The following LAP3 variants were observed in gnomAD, a reference collection of about 807,000 sequenced individuals.
The protein encoded by LAP3 is cytosol aminopeptidase.
A neutral mutation model predicts 58.8 loss-of-function variants in LAP3; 46 were observed. The observed-to-expected ratio is 0.78, with a 90% CI of 0.62 to 1.00. The LOEUF is 1.00. LAP3 is among the 50% of genes least tolerant of loss of function. LAP3 has a pLI of 0.00. For synonymous variants in LAP3, 257 were observed against 237.7 expected, an observed-to-expected ratio of 1.08 and a Z score of -0.75; for missense variants, 615 against 659.1, an observed-to-expected ratio of 0.93 and a Z score of 0.73.
chr4:17,586,931 C>T (rs529348534), intron 6 of LAP3, among the ~76,000 whole-genome samples: 4 of 152,194 alleles, frequency 2.6e-5, no homozygotes, highest in Admixed American at 1.3e-4. Context: ...CATGGCGAAA[C>T]ACCATCTCTA....
In LAP3 at chr4:17,577,213, C is replaced by A. The variant is rs1356076049; in HGVS notation, c.-253C>A. 5 of 344,300 alleles carry A rather than the reference C, an allele frequency of 1.5e-5. No homozygotes were observed. Among genetic ancestry groups the A allele is most frequent in the African/African-American group, 8.8e-5 (4 of 45,250 alleles). The allele number at this position is 344,300 out of a possible 1,614,324, so 21.3% of individuals were successfully genotyped here. On this transcript the variant is annotated 5_prime_UTR_variant, in exon 1 of 13. Coordinates refer to ENST00000226299, the MANE Select transcript of LAP3 (RefSeq NM_015907.3). ...ATGCGCGGGCGCACACGAATGCGGGCGCACACGAATGCGGGCGCACACGAA... is the reference window on the plus strand; with the variant it reads ...ATGCGCGGGCGCACACGAATGCGGGAGCACACGAATGCGGGCGCACACGAA...
chr4:17,597,233 C>G (rs1713853703), intron 9 of LAP3, 99 bp downstream of exon 9: 3 of 961,400 alleles, frequency 3.1e-6, no homozygotes, highest in Admixed American at 3.5e-5. Flanking sequence ...AGCCCCAGAA[C>G]CATATTAGGG....
In LAP3 at chr4:17,584,956, ATCTT is replaced by A. The variant is rs755933063; in HGVS notation, c.540-11_540-8del. Reference sequence around the variant, plus strand: ...TGAGAGGTTGTTTGACAGTCACTTTATCTTTCTTCTGCCAGTGGGGATCAGGAGG... The same window carrying A: ...TGAGAGGTTGTTTGACAGTCACTTTATCTTCTGCCAGTGGGGATCAGGAGG... On this transcript the variant is annotated splice_polypyrimidine_tract_variant and intron_variant, in intron 5 of 12. Coordinates refer to ENST00000226299, the MANE Select transcript of LAP3 (RefSeq NM_015907.3). 1.4e-5 allele frequency: 22 copies of A among 1,611,774 alleles called. No individual in the cohort carries two copies. Among genetic ancestry groups the A allele is most frequent in the Non-Finnish European group, 1.8e-5 (21 of 1,178,838 alleles).
intron 1 of LAP3, 23 bp from the exon 2 acceptor site, chr4:17,579,801 T>G: frequency 7.4e-7 from 1 of 1,347,930 alleles, no homozygotes; most frequent in African/African-American, 1.5e-5. Context: ...TCTATTATAT[T>G]TACGTTTTTT....
At position 17,597,031 on chromosome 4, in the gene LAP3, T is replaced by C. The variant is rs750385934; in HGVS notation, c.989-15T>C. On this transcript the variant is annotated splice_polypyrimidine_tract_variant and intron_variant, in intron 8 of 12. Transcript: ENST00000226299. ...CCAGTATATACTGTGTGCCTTCATA[T>C]ATTATTTCCAATAGGTCTGGCCCCT... is the stretch of plus-strand genomic sequence containing the variant. 9.3e-6 allele frequency: 15 copies of C among 1,613,618 alleles called. No homozygotes were observed. In the South Asian group the frequency reaches 1.6e-4, roughly 18 times the overall value.
chr4:17,585,870 T>C (rs898567763), intron 6 of LAP3: 7 of 152,254 alleles, frequency 4.6e-5, no homozygotes, highest in African/African-American at 1.4e-4. Flanking sequence ...ACTTTGGTTG[T>C]TTTTACCTTT....
rs146585721 is a variant in LAP3 at position 17,584,451 on chromosome 4, C to T, written c.540-521C>T. 3.5e-3 allele frequency among the ~76,000 whole-genome samples: 532 copies of T among 152,326 alleles called. 2 individuals are homozygous for T. Among genetic ancestry groups the T allele is most frequent in the African/African-American group, 0.012 (497 of 41,588 alleles). On this transcript the variant is annotated intron_variant, in intron 5 of 12. Coordinates refer to ENST00000226299, the MANE Select transcript of LAP3 (RefSeq NM_015907.3). Reference sequence around the variant, plus strand: ...GGGTTGTGAAACACGTGCCTGTATCCTTTCTCTTCTAAAGCTGGTCCTGCT... The same window carrying T: ...GGGTTGTGAAACACGTGCCTGTATCTTTTCTCTTCTAAAGCTGGTCCTGCT...
At chr4:17,581,682 G>A in intron 2 of LAP3, 78 bp from the exon 3 acceptor site, 1 of 1,039,816 alleles carries the variant, frequency 9.6e-7, no homozygotes, top group Non-Finnish European at 1.5e-6. Context: ...GTGTGATAAT[G>A]CCGAGTATGT....
intron 12 of LAP3, 89 bp downstream of exon 12, chr4:17,607,027 T>C: frequency 1.3e-6 from 1 of 760,216 alleles, no homozygotes; most frequent in South Asian, 1.9e-5. Flanking sequence ...ATATAAAAGG[T>C]TTAACTATTT....
intron 2 of LAP3, among the ~76,000 whole-genome samples, chr4:17,580,180 A>ATATATATG (rs1305416546): frequency 2.2e-4 from 14 of 62,542 alleles, no homozygotes; most frequent in Non-Finnish European, 3.1e-4. Context: ...ATATATATAT[A>ATATATATG]TGTATTTTTT....
rs915713603 is a variant in LAP3, at chr4:17,579,901, T to C, written c.180T>C (p.Asp60=). ...PQFTSAGENF[D]KLLAGKLRET... ...TCACAAGTGCAGGAGAGAATTTTGA[T>C]AAATTGTTAGCTGGAAAGCTGAGAG... Residue 60 remains aspartate, a synonymous_variant, in exon 2 of 13, where the codon GAT becomes GAC. Transcript: ENST00000226299. The C allele has an allele frequency of 1.2e-6, 2 of 1,612,222 alleles. No homozygotes were observed. Among genetic ancestry groups the C allele is most frequent in the East Asian group, 4.5e-5 (2 of 44,736 alleles).
At chr4:17,590,265 A>G (rs1370604975) in intron 7 of LAP3, among the ~76,000 whole-genome samples, 2 of 152,222 alleles carry the variant, frequency 1.3e-5, no homozygotes, top group Non-Finnish European at 2.9e-5. Context: ...AAATGCTGCT[A>G]GAGAACCATA....
At chr4:17,580,983 TGTA>T (rs1054933447) in intron 2 of LAP3, among the ~76,000 whole-genome samples, 14 of 152,376 alleles carry the variant, frequency 9.2e-5, no homozygotes, top group African/African-American at 3.4e-4. Context: ...TATCAGTTCT[TGTA>T]GTACACAGAG....
chr4:17,598,042 A>G (rs1213327339), intron 9 of LAP3, among the ~76,000 whole-genome samples: 3 of 152,126 alleles, frequency 2.0e-5, no homozygotes, highest in Non-Finnish European at 4.4e-5. Context: ...AAATCTTTAC[A>G]TTTTTCCCCT....
At position 17,606,878 on chromosome 4, in the gene LAP3, A is replaced by G. The variant is rs758812149; in HGVS notation, c.1310A>G (p.His437Arg). 10 of 1,613,628 alleles carry G rather than the reference A, an allele frequency of 6.2e-6. No homozygotes were observed. In the African/African-American group the frequency reaches 9.3e-5, roughly 15 times the overall value. ...GTCTGGAGGATGCCTCTCTTCGAAC[A>G]TTATACAAGACAGGTTGTAGATTGC... ...DRVWRMPLFE[H>R]YTRQVVDCQL... Residue 437 changes from histidine to arginine, a missense_variant, in exon 12 of 13, where the codon CAT becomes CGT. Coordinates refer to ENST00000226299, the MANE Select transcript of LAP3 (RefSeq NM_015907.3).
At chr4:17,581,623 T>G (rs1474779578) in intron 2 of LAP3, 137 bp from the exon 3 acceptor site, 3 of 638,630 alleles carry the variant, frequency 4.7e-6, no homozygotes, top group Non-Finnish European at 8.3e-6. Flanking sequence ...CATTCTGTAT[T>G]TGGATAAAAA....
At chr4:17,582,014 T>G (rs551954539) in intron 3 of LAP3, 200 bp downstream of exon 3, 24 of 597,592 alleles carry the variant, frequency 4.0e-5, no homozygotes, top group Non-Finnish European at 6.8e-5. Context: ...CTGAAGGCTT[T>G]CTTTATCCGG....
rs1405598448 is a variant in LAP3 at position 17,582,411 on chromosome 4, GT to G, written c.379+21del. 6.3e-7 allele frequency: 1 copy of G among 1,585,270 alleles called. No homozygotes were observed. Among genetic ancestry groups the G allele is most frequent in the Non-Finnish European group, 8.6e-7 (1 of 1,159,836 alleles). On this transcript the variant is annotated intron_variant, in intron 4 of 12. Transcript: ENST00000226299. ...TGTTGCAGGTTATTTCACTTTTTAAGTTTAAAGAATCCTGAGGATCCACTCT... is the reference window on the plus strand; with the variant it reads ...TGTTGCAGGTTATTTCACTTTTTAAGTTAAAGAATCCTGAGGATCCACTCT...
intron 6 of LAP3, chr4:17,586,262 C>A (rs1022523429): frequency 6.6e-6 from 1 of 152,188 alleles, no homozygotes; most frequent in Non-Finnish European, 1.5e-5. Flanking sequence ...CTAAAGAATT[C>A]TTTATTGTCA....
Sources: allele counts gnomAD v4.1 joint callset (sites outside exome capture counted in the v4.1 genomes callset), GRCh38; gene constraint gnomAD v4.1.1; transcripts MANE v1.5; gene names NCBI Gene and HGNC (gene_info 2026-07-23, HGNC 2026-07-21).